Variants in ADGRL3 observed in about 807,000 individuals in gnomAD.
ADGRL3 encodes adhesion G protein-coupled receptor L3.
Under a neutral mutation model 153.5 loss-of-function variants are expected in ADGRL3, and 62 were observed. The observed-to-expected ratio is 0.40, with a 90% confidence interval of 0.33 to 0.50. The LOEUF is 0.50. ADGRL3 is among the 20% of genes least tolerant of loss of function. The pLI, the probability that ADGRL3 is intolerant of heterozygous loss-of-function variation, is 0.47. For missense variants in ADGRL3, 1,641 were observed against 1,859.4 expected (o/e 0.88, Z 2.16); for synonymous variants, 710 against 672.5 (o/e 1.06, Z -0.86).
intron 5 of ADGRL3, among the ~76,000 whole-genome samples, chr4:61,665,342 C>T (rs924685973): frequency 6.6e-6 from 1 of 152,092 alleles, no homozygotes; most frequent in Non-Finnish European, 1.5e-5. Flanking sequence ...ACCTGGGAGG[C>T]AGAGGCTGCA....
chr4:62,007,791 G>A (rs999964763), intron 21 of ADGRL3, among the ~76,000 whole-genome samples: 7 of 151,906 alleles, frequency 4.6e-5, no homozygotes, highest in Non-Finnish European at 7.4e-5. Context: ...GGTCAGGGTC[G>A]ATTTTATTTT....
intron 6 of ADGRL3, among the ~76,000 whole-genome samples, chr4:61,716,434 T>A (rs2096117966): frequency 6.6e-6 from 1 of 152,158 alleles, no homozygotes; most frequent in Non-Finnish European, 1.5e-5. Flanking sequence ...GCAAGATAAA[T>A]ACGTACCGAT....
At chr4:61,993,401 C>T (rs1256204589) in intron 19 of ADGRL3, among the ~76,000 whole-genome samples, 1 of 147,894 alleles carries the variant, frequency 6.8e-6, no homozygotes, top group African/African-American at 2.5e-5. Context: ...CAGAGGTTCT[C>T]CTGCCTCAGC....
intron 4 of ADGRL3, among the ~76,000 whole-genome samples, chr4:61,578,750 A>G (rs538554966): frequency 3.4e-4 from 52 of 152,220 alleles, no homozygotes; most frequent in Admixed American, 2.8e-3. Context: ...AATCTTCGTC[A>G]TTCGAGAAAT....
At chr4:61,434,916 A>G (rs929334519) in intron 2 of ADGRL3, among the ~76,000 whole-genome samples, 4 of 152,100 alleles carry the variant, frequency 2.6e-5, no homozygotes, top group African/African-American at 9.7e-5. Context: ...GTTTTAATTT[A>G]CATTTTATAA....
At chr4:61,276,226 C>T (rs2093450809) in intron 1 of ADGRL3, among the ~76,000 whole-genome samples, 1 of 152,154 alleles carries the variant, frequency 6.6e-6, no homozygotes, top group Non-Finnish European at 1.5e-5. Context: ...AAAGAAGGCT[C>T]TTTCCCCATC....
At chr4:61,529,820 C>A (rs1470030256) in intron 4 of ADGRL3, among the ~76,000 whole-genome samples, 1 of 151,760 alleles carries the variant, frequency 6.6e-6, no homozygotes, top group Non-Finnish European at 1.5e-5. Flanking sequence ...TTAATTGACA[C>A]TTGGGACAAA....
At chr4:61,775,578 G>C in intron 8 of ADGRL3, 1 of 922,100 alleles carries the variant, frequency 1.1e-6, no homozygotes, top group Non-Finnish European at 1.8e-6. Context: ...TTTTACAGAG[G>C]CCTACCCTTT....
intron 8 of ADGRL3, among the ~76,000 whole-genome samples, chr4:61,770,409 G>A (rs1181434967): frequency 6.6e-6 from 1 of 152,146 alleles, no homozygotes; most frequent in African/African-American, 2.4e-5. Context: ...GCAGGTCCTA[G>A]AGAGGACAGG....
Position 61,624,824 on chromosome 4 carries a change from T to C in ADGRL3, c.473+37384T>C, listed in dbSNP as rs146873642. On this transcript the variant is annotated intron_variant, in intron 5 of 26. Transcript: ENST00000683033. ...TGTCATAAGATTAACTATAATGATG[T>C]AATTTTATGTACTAAACTACCCCCA... Among the ~76,000 whole-genome samples the C allele has an allele frequency of 5.9e-3, 892 of 152,248 alleles. 14 individuals carry two copies. The highest frequency in any genetic ancestry group is 0.02 in the African/African-American group (843 of 41,548).
intron 1 of ADGRL3, among the ~76,000 whole-genome samples, chr4:61,290,259 AT>A (rs1450162366): frequency 4.6e-5 from 7 of 152,084 alleles, no homozygotes; most frequent in African/African-American, 1.7e-4. Context: ...TTTATCTGAG[AT>A]TAATTTAGAG....
intron 2 of ADGRL3, among the ~76,000 whole-genome samples, chr4:61,465,758 A>AATAAATATAT (rs71664991): frequency 1.5e-4 from 20 of 130,156 alleles, no homozygotes; most frequent in Middle Eastern, 4.5e-3. Context: ...ATTATATATA[A>AATAAATATAT]ATATATATAT....
chr4:61,815,243 C>T (rs1274230598), intron 9 of ADGRL3, among the ~76,000 whole-genome samples: 5 of 152,152 alleles, frequency 3.3e-5, no homozygotes, highest in African/African-American at 1.2e-4. Context: ...AGAGATGTAA[C>T]GAGGCAGATT....
At chr4:61,840,148 C>T (rs373580516) in intron 9 of ADGRL3, among the ~76,000 whole-genome samples, 39 of 152,258 alleles carry the variant, frequency 2.6e-4, no homozygotes, top group Middle Eastern at 3.4e-3. Flanking sequence ...GGTGCAATCT[C>T]GCCTCCCTGC....
intron 25 of ADGRL3, among the ~76,000 whole-genome samples, chr4:62,049,487 C>T (rs1732982018): frequency 1.3e-5 from 2 of 152,122 alleles, no homozygotes; most frequent in Non-Finnish European, 2.9e-5. Flanking sequence ...AGATGTGTGG[C>T]ACTTGTTTAT....
Position 61,507,416 on chromosome 4 carries a change from C to T in ADGRL3, c.56-9899C>T, listed in dbSNP as rs564469302. 1.1e-3 allele frequency among the ~76,000 whole-genome samples: 173 copies of T among 152,206 alleles called. 2 individuals are homozygous for T. The highest frequency in any genetic ancestry group is 2.5e-4 in the Non-Finnish European group (17 of 67,992). ...GCAGACAGATAAAAAACCACCATGT[C>T]GATTTTTAAAAGTAGGTGTCCAATA... On this transcript the variant is annotated intron_variant, in intron 3 of 26. Coordinates refer to ENST00000683033, the MANE Select transcript of ADGRL3 (RefSeq NM_001387552.1).
intron 8 of ADGRL3, among the ~76,000 whole-genome samples, chr4:61,759,965 A>C (rs1263742415): frequency 1.3e-5 from 2 of 152,188 alleles, no homozygotes; most frequent in East Asian, 1.9e-4. Context: ...GGGTATCAGC[A>C]GCGGAGGCTG....
intron 9 of ADGRL3, among the ~76,000 whole-genome samples, chr4:61,830,550 G>C (rs1003614528): frequency 6.6e-6 from 1 of 152,146 alleles, no homozygotes; most frequent in Admixed American, 6.6e-5. Flanking sequence ...TCTATGAAAA[G>C]ATTCTTTCAG....
chr4:61,642,938 T>A (rs1369018886), intron 5 of ADGRL3, among the ~76,000 whole-genome samples: 2 of 152,226 alleles, frequency 1.3e-5, no homozygotes, highest in Admixed American at 1.3e-4. Context: ...TCTTCTTCCA[T>A]TTGTTTGTAT....
Sources: gnomAD v4.1 joint callset for allele counts (sites outside exome capture counted in the v4.1 genomes callset) on GRCh38, gnomAD v4.1.1 for gene constraint, MANE v1.5 for transcripts, NCBI Gene and HGNC (gene_info 2026-07-23, HGNC 2026-07-21) for gene names.